Variants in TTYH2 observed in about 807,000 individuals in gnomAD.
TTYH2 encodes the protein tweety family member 2.
In TTYH2, 49 loss-of-function variants were observed where a neutral mutation model predicts 68.3. The ratio of observed to expected loss-of-function variants is 0.72; its 90% confidence interval spans 0.57 to 0.91. The LOEUF (loss-of-function observed/expected upper bound fraction) is 0.91, where lower values mean the gene tolerates loss of function less well. Ranked by LOEUF, TTYH2 falls within the 40% of genes least tolerant of loss-of-function variation. The probability of loss-of-function intolerance (pLI) is 0.00; values close to 1 mark genes in which losing one functional copy is unlikely to be tolerated. For synonymous variants in TTYH2, 272 were observed against 300.8 expected (o/e 0.90, Z 0.99); for missense variants, 631 against 700.4 (o/e 0.90, Z 1.12).
chr17:74,244,140 G>C, intron 6 of TTYH2, 91 bp downstream of exon 6: 2 of 1,254,262 alleles, frequency 1.6e-6, no homozygotes, highest in South Asian at 2.6e-5. Flanking sequence ...TCCGGTCCCA[G>C]CTCCTAACCT....
At chr17:74,258,586 A>T (rs1181112571) in intron 13 of TTYH2, among the ~76,000 whole-genome samples, 1 of 151,826 alleles carries the variant, frequency 6.6e-6, no homozygotes, top group Non-Finnish European at 1.5e-5. Flanking sequence ...CGTGTCTGAC[A>T]TATTCCTAGG....
At chr17:74,235,448 A>C (rs962854273) in intron 3 of TTYH2, among the ~76,000 whole-genome samples, 7 of 152,260 alleles carry the variant, frequency 4.6e-5, no homozygotes, top group Non-Finnish European at 1.0e-4. Flanking sequence ...GCTCGCTGCC[A>C]GCAAGGGCGT....
rs59096145 is a variant in TTYH2, at chr17:74,241,296, T to TGTGTGTGCGCGC, written c.636-2077_636-2076insTGTGTGCGCGCG. Among the ~76,000 whole-genome samples the TGTGTGTGCGCGC allele has an allele frequency of 5.5e-4, 80 of 146,368 alleles. No individual in the cohort carries two copies. The East Asian group carries it at 6.7e-3, about 12-fold the overall frequency. On this transcript the variant is annotated intron_variant, in intron 4 of 13. Coordinates refer to ENST00000269346, the MANE Select transcript of TTYH2 (RefSeq NM_032646.6). The surrounding 1 kb of genome is among the most constrained non-coding windows in gnomAD (Gnocchi z 4.1). The stretch of plus-strand genomic sequence containing the variant: ...GTGTGTGTGTGTGTGTGTGTGTGTG[T>TGTGTGTGCGCGC]GCGTGTAAAAATAAGAATGTGATCC...
intron 6 of TTYH2, 61 bp downstream of exon 6, chr17:74,244,110 G>A: frequency 6.5e-7 from 1 of 1,527,858 alleles, no homozygotes. Flanking sequence ...ACTCTGGTGT[G>A]TCTCCAAGCA....
At chr17:74,218,314 C>G (rs2050241116) in intron 1 of TTYH2, among the ~76,000 whole-genome samples, 1 of 152,000 alleles carries the variant, frequency 6.6e-6, no homozygotes. Flanking sequence ...CACCCACCAC[C>G]CCCAGTTTTT....
intron 6 of TTYH2, chr17:74,248,472 C>A: frequency 2.0e-6 from 2 of 987,998 alleles, no homozygotes; most frequent in Non-Finnish European, 2.4e-6. Context: ...TGAGCACCTG[C>A]ACCCAAGGCT....
At position 74,213,860 on chromosome 17, in the gene TTYH2, C is replaced by T; in HGVS notation, c.129+144C>T. On this transcript the variant is annotated intron_variant, in intron 1 of 13. Transcript: ENST00000269346. The surrounding 1 kb of genome is among the most constrained non-coding windows in gnomAD (Gnocchi z 6.1). ...AGCCCTTTCCCGTCTCCCCTCTCCC[C>T]TTTTCCCCCACCCTCCCAGGCCCGT... is the stretch of plus-strand genomic sequence containing the variant. 3 of 1,126,940 alleles carry T rather than the reference C, an allele frequency of 2.7e-6. No individual in the cohort carries two copies. Among genetic ancestry groups the T allele is most frequent in the South Asian group, 1.6e-5 (1 of 63,310 alleles). The allele number at this position is 1,126,940 out of a possible 1,614,324, so 69.8% of individuals were successfully genotyped here.
At chr17:74,220,934 A>C (rs147274158) in intron 1 of TTYH2, among the ~76,000 whole-genome samples, 1 of 152,110 alleles carries the variant, frequency 6.6e-6, no homozygotes, top group African/African-American at 2.4e-5. Flanking sequence ...CTACAGGCAG[A>C]TGCCACCATG....
At chr17:74,242,948 C>T (rs376879919) in intron 4 of TTYH2, among the ~76,000 whole-genome samples, 2 of 152,232 alleles carry the variant, frequency 1.3e-5, no homozygotes, top group East Asian at 3.9e-4. Flanking sequence ...AGGGTGGTAG[C>T]CCCAGCCATG....
At chr17:74,243,769 C>T (rs1464353435) in intron 5 of TTYH2, among the ~76,000 whole-genome samples, 2 of 152,240 alleles carry the variant, frequency 1.3e-5, no homozygotes, top group African/African-American at 2.4e-5. Flanking sequence ...ACACTGCCCC[C>T]TTAGCCTGTG....
At position 74,244,063 on chromosome 17, in the gene TTYH2, G is replaced by C; in HGVS notation, c.804+14G>C. On this transcript the variant is annotated intron_variant, in intron 6 of 13. Coordinates refer to ENST00000269346, the MANE Select transcript of TTYH2 (RefSeq NM_032646.6). The stretch of plus-strand genomic sequence containing the variant: ...TCTGCGGCAGTGGTGAGTTGGGGGA[G>C]GGAGTGGGTGGTGGGTGGTGGTTGG... The C allele has an allele frequency of 2.5e-6, 4 of 1,609,036 alleles. No individual in the cohort carries two copies. Among genetic ancestry groups the C allele is most frequent in the Non-Finnish European group, 3.4e-6 (4 of 1,179,266 alleles).
rs1453735385 is a variant in TTYH2, at chr17:74,244,133, G to C, written c.804+84G>C. The C allele has an allele frequency of 4.5e-6, 6 of 1,326,490 alleles. No individual in the cohort carries two copies. In the African/African-American group the frequency reaches 5.8e-5, roughly 13 times the overall value. The allele number at this position is 1,326,490 out of a possible 1,614,324, so 82.2% of individuals were successfully genotyped here. On this transcript the variant is annotated intron_variant, in intron 6 of 13. Coordinates refer to ENST00000269346, the MANE Select transcript of TTYH2 (RefSeq NM_032646.6). Reference sequence around the variant, plus strand: ...GTGTCTCCAAGCAGGGCCAGCTTCCGGTCCCAGCTCCTAACCTAGAATCCC... The same window carrying C: ...GTGTCTCCAAGCAGGGCCAGCTTCCCGTCCCAGCTCCTAACCTAGAATCCC...
chr17:74,219,842 A>G (rs1451206486), intron 1 of TTYH2, among the ~76,000 whole-genome samples: 1 of 152,044 alleles, frequency 6.6e-6, no homozygotes, highest in African/African-American at 2.4e-5. Context: ...TTTTGGGTGT[A>G]GGCTGTGACT....
At chr17:74,242,579 G>C (rs1162375258) in intron 4 of TTYH2, among the ~76,000 whole-genome samples, 1 of 152,192 alleles carries the variant, frequency 6.6e-6, no homozygotes, top group Non-Finnish European at 1.5e-5. Flanking sequence ...ATTTTGTAGA[G>C]ATGAGGTTTC....
intron 3 of TTYH2, among the ~76,000 whole-genome samples, chr17:74,235,164 G>A (rs1458021316): frequency 6.6e-6 from 1 of 152,190 alleles, no homozygotes; most frequent in Non-Finnish European, 1.5e-5. Flanking sequence ...CTGGAACTAG[G>A]AACTCCCAGC....
chr17:74,252,153 G>A, intron 10 of TTYH2, 81 bp from the exon 11 acceptor site: 2 of 1,572,732 alleles, frequency 1.3e-6, no homozygotes, highest in South Asian at 1.2e-5. Context: ...GCTCGGGGGA[G>A]AGGGACTTCC....
In TTYH2 at chr17:74,222,806, A is replaced by G. The variant is rs919360015; in HGVS notation, c.302+149A>G. Reference sequence around the variant, plus strand: ...GTTGTCCCTTTTTTTTTTTTTACCAAGCATCAGGAATCAGATGCCTGGGGT... The same window carrying G: ...GTTGTCCCTTTTTTTTTTTTTACCAGGCATCAGGAATCAGATGCCTGGGGT... On this transcript the variant is annotated intron_variant, in intron 2 of 13. Coordinates refer to ENST00000269346, the MANE Select transcript of TTYH2 (RefSeq NM_032646.6). The surrounding 1 kb of genome is among the most constrained non-coding windows in gnomAD (Gnocchi z 5.2). 3.1e-5 allele frequency: 32 copies of G among 1,047,362 alleles called. No homozygotes were observed. The highest frequency in any genetic ancestry group is 6.3e-5 in the Admixed American group (2 of 31,810). The allele number at this position is 1,047,362 out of a possible 1,614,324, so 64.9% of individuals were successfully genotyped here.
chr17:74,243,981 C>T lies in TTYH2; in HGVS notation c.736C>T (p.Leu246=), dbSNP rs2050528861. The change falls in exon 6 of 14, where the codon CTG becomes TTG. Residue 246 remains leucine (L), a synonymous_variant. Coordinates refer to ENST00000269346, the MANE Select transcript of TTYH2 (RefSeq NM_032646.6). ...KRSKCLLASM[L]CCGALSLLLS... is the part of the protein sequence containing the mutation. ...TGTCGCCTGCCTCTCTCCTAGGATGCTGTGCTGTGGGGCACTGAGCCTGCT... is the reference window on the plus strand; with the variant it reads ...TGTCGCCTGCCTCTCTCCTAGGATGTTGTGCTGTGGGGCACTGAGCCTGCT... The T allele has an allele frequency of 3.1e-6, 5 of 1,611,886 alleles. No individual in the cohort carries two copies. The highest frequency in any genetic ancestry group is 2.2e-5 in the South Asian group (2 of 91,046).
At position 74,215,517 on chromosome 17, in the gene TTYH2, T is replaced by C; in HGVS notation, c.129+1801T>C. On this transcript the variant is annotated intron_variant, in intron 1 of 13. Coordinates refer to ENST00000269346, the MANE Select transcript of TTYH2 (RefSeq NM_032646.6). This position sits in a 1 kb window ranked among gnomAD's most constrained non-coding sequence, Gnocchi z 4.3. ...ATTCTGGCCCCGGCTCACTTTGTGC[T>C]GGGCATCAAATGGTTCCAGAGGGTG... The C allele has an allele frequency of 2.0e-6, 2 of 988,732 alleles. No homozygotes were observed. Among genetic ancestry groups the C allele is most frequent in the Non-Finnish European group, 2.9e-6 (2 of 679,286 alleles). 61.2% of individuals were successfully genotyped at this position (988,732 alleles called of 1,614,324 possible).
Sources: allele counts gnomAD v4.1 joint callset (sites outside exome capture counted in the v4.1 genomes callset), GRCh38; gene constraint gnomAD v4.1.1; non-coding constraint Gnocchi (gnomAD v3.1); transcripts MANE v1.5; gene names NCBI Gene and HGNC (gene_info 2026-07-23, HGNC 2026-07-21).